Variants in NPAS3 observed in about 807,000 individuals in gnomAD.
NPAS3 encodes the protein neuronal PAS domain-containing protein 3.
A neutral mutation model predicts 73.1 loss-of-function variants in NPAS3; 14 were observed. The observed-to-expected ratio is 0.19, with a 90% confidence interval of 0.13 to 0.30. The LOEUF is 0.30. Among genes scored for constraint, NPAS3 ranks in the 10% least tolerant of loss-of-function variants. The pLI is 1.00. For missense variants in NPAS3, 1,096 were observed against 1,250.0 expected, an observed-to-expected ratio of 0.88 and a Z score of 1.86; for synonymous variants, 620 against 541.5, an observed-to-expected ratio of 1.14 and a Z score of -2.01.
At chr14:33,195,719 C>T (rs6571587) in intron 2 of NPAS3, among the ~76,000 whole-genome samples, 21,092 of 152,188 alleles carry the variant, frequency 0.14, 1,698 homozygotes, top group East Asian at 0.32. Flanking sequence ...CCTTTCAAAG[C>T]GTAGAGCTGA....
intron 2 of NPAS3, among the ~76,000 whole-genome samples, chr14:33,130,789 A>C (rs1294027738): frequency 2.0e-5 from 3 of 152,192 alleles, no homozygotes; most frequent in African/African-American, 4.8e-5. Context: ...TAAATGCAGA[A>C]ATAGAACCTC....
chr14:33,272,743 C>T (rs2041151605), intron 3 of NPAS3, among the ~76,000 whole-genome samples: 1 of 152,100 alleles, frequency 6.6e-6, no homozygotes, highest in African/African-American at 2.4e-5. Flanking sequence ...TACTTTGTTT[C>T]ATCAAAATAT....
chr14:33,314,789 C>T (rs1341968364), intron 3 of NPAS3, among the ~76,000 whole-genome samples: 1 of 151,978 alleles, frequency 6.6e-6, no homozygotes, highest in Non-Finnish European at 1.5e-5. Flanking sequence ...GGTTTGCTCA[C>T]TGACTCAATC....
At chr14:33,405,469 T>C (rs1164496241) in intron 4 of NPAS3, among the ~76,000 whole-genome samples, 1 of 152,082 alleles carries the variant, frequency 6.6e-6, no homozygotes, top group Non-Finnish European at 1.5e-5. Flanking sequence ...ATAAAGCAAA[T>C]GAACATGAAT....
intron 3 of NPAS3, among the ~76,000 whole-genome samples, chr14:33,329,238 G>T (rs1489432999): frequency 1.3e-5 from 2 of 152,120 alleles, no homozygotes; most frequent in South Asian, 2.1e-4. Context: ...CACCCCACCT[G>T]CCTCTCCCTG....
chr14:33,258,693 A>G (rs983318642), intron 3 of NPAS3, among the ~76,000 whole-genome samples: 2 of 152,230 alleles, frequency 1.3e-5, no homozygotes, highest in African/African-American at 2.4e-5. Flanking sequence ...ATCTTATGAC[A>G]TGCCTGAGTC....
chr14:33,071,218 A>G (rs1244923030), intron 2 of NPAS3, among the ~76,000 whole-genome samples: 3 of 152,338 alleles, frequency 2.0e-5, no homozygotes, highest in African/African-American at 4.8e-5. Context: ...TTGAGCAACC[A>G]TCAAATAATA....
At chr14:33,003,889 C>A (rs1026740795) in intron 1 of NPAS3, among the ~76,000 whole-genome samples, 1 of 152,126 alleles carries the variant, frequency 6.6e-6, no homozygotes, top group Admixed American at 6.5e-5. Context: ...CACACTTACC[C>A]TGGAATTTCA....
chr14:33,272,108 CT>C (rs2041118192), intron 3 of NPAS3, among the ~76,000 whole-genome samples: 1 of 152,148 alleles, frequency 6.6e-6, no homozygotes, highest in Non-Finnish European at 1.5e-5. Flanking sequence ...CACTTGTAAT[CT>C]TTTTTCTCCT....
chr14:33,563,537 C>CACACACACAGAG, intron 5 of NPAS3, among the ~76,000 whole-genome samples: 80 of 119,698 alleles, frequency 6.7e-4, no homozygotes, highest in African/African-American at 2.8e-3. Context: ...CACACACACA[C>CACACACACAGAG]AGAGAGAGAG....
rs1312218915 is a variant in NPAS3, at chr14:33,393,065, CTTGTTCAAA to C, written c.468+25798_468+25806del. Among the ~76,000 whole-genome samples the C allele has an allele frequency of 4.6e-5, 7 of 152,152 alleles. No homozygotes were observed. The East Asian group carries it at 1.4e-3, about 29-fold the overall frequency. ...CTCTCTAGAACATATTTTTCAAATA[CTTGTTCAAA>C]CTAAATATGCTTATTTTCTAAATTG... On this transcript the variant is annotated intron_variant, in intron 4 of 11. Coordinates refer to ENST00000356141, the Ensembl canonical transcript of NPAS3.
At chr14:33,661,217 C>A (rs2059297670) in intron 5 of NPAS3, among the ~76,000 whole-genome samples, 3 of 152,006 alleles carry the variant, frequency 2.0e-5, no homozygotes, top group Admixed American at 2.0e-4. Flanking sequence ...TTTTGAAACC[C>A]TGCTAATTAA....
chr14:33,410,412 A>ATT (rs2047869453), intron 4 of NPAS3, among the ~76,000 whole-genome samples: 1 of 152,114 alleles, frequency 6.6e-6, no homozygotes, highest in Admixed American at 6.5e-5. Context: ...CTACTCCTAA[A>ATT]TTGTCCCCTA....
chr14:33,277,935 A>G (rs1460063680), intron 3 of NPAS3, among the ~76,000 whole-genome samples: 1 of 152,128 alleles, frequency 6.6e-6, no homozygotes, highest in African/African-American at 2.4e-5. Flanking sequence ...GTGGAAGCAG[A>G]GAGACTAGTT....
At chr14:33,172,739 T>TA (rs60648371) in intron 2 of NPAS3, among the ~76,000 whole-genome samples, 122 of 145,684 alleles carry the variant, frequency 8.4e-4, no homozygotes, top group African/African-American at 9.1e-4. Flanking sequence ...GACCCAGCCT[T>TA]AAAAAAAAAA....
In NPAS3 at chr14:33,146,513, A is replaced by G. The variant is rs529516465; in HGVS notation, c.141-68669A>G. 3.3e-5 allele frequency among the ~76,000 whole-genome samples: 5 copies of G among 152,370 alleles called. No individual in the cohort carries two copies. The East Asian group carries it at 9.6e-4, about 29-fold the overall frequency. ...ATTCATTTATTGAGTCCTGTGAATC[A>G]GGCATCATGCTAGGCGCTGGAGGCT... On this transcript the variant is annotated intron_variant, in intron 2 of 11. Transcript: ENST00000356141.
intron 3 of NPAS3, among the ~76,000 whole-genome samples, chr14:33,221,013 T>C (rs2047404217): frequency 6.6e-6 from 1 of 152,222 alleles, no homozygotes; most frequent in South Asian, 2.1e-4. Flanking sequence ...CTTTTACTCA[T>C]GGAGCTGCGG....
At chr14:33,787,599 C>CAA (rs9322928) in intron 9 of NPAS3, among the ~76,000 whole-genome samples, 1 of 135,998 alleles carries the variant, frequency 7.4e-6, no homozygotes, top group Non-Finnish European at 1.6e-5. Context: ...TATAGATTTA[C>CAA]AAAAAAAAAA....
intron 2 of NPAS3, among the ~76,000 whole-genome samples, chr14:33,132,846 T>C (rs990952164): frequency 6.6e-6 from 1 of 152,200 alleles, no homozygotes; most frequent in Non-Finnish European, 1.5e-5. Flanking sequence ...ATACCTGTTA[T>C]GCTGCATACA....
Sources: gnomAD v4.1 joint callset for allele counts (sites outside exome capture counted in the v4.1 genomes callset) on GRCh38, gnomAD v4.1.1 for gene constraint, MANE v1.5 for transcripts, NCBI Gene and HGNC (gene_info 2026-07-23, HGNC 2026-07-21) for gene names.